The following OTUB2 variants were observed in gnomAD, a reference collection of about 807,000 sequenced individuals.
The protein encoded by OTUB2 is OTU deubiquitinase, ubiquitin aldehyde binding 2, also known as ubiquitin thioesterase OTUB2.
Under a neutral mutation model 25.1 loss-of-function variants are expected in OTUB2, and 21 were observed. The ratio of observed to expected loss-of-function variants is 0.84; its 90% confidence interval spans 0.59 to 1.21. The LOEUF is 1.21. Ranked by LOEUF, OTUB2 falls within the 50% of genes most tolerant of loss-of-function variation. The pLI is 0.00. For synonymous variants in OTUB2, 122 were observed against 122.8 expected (o/e 0.99, Z 0.04); for missense variants, 283 against 298.0 (o/e 0.95, Z 0.37).
chr14:94,044,607 G>A lies in OTUB2; in HGVS notation c.325G>A (p.Val109Ile), dbSNP rs770413129. The change falls in exon 5 of 6, where the codon GTA (valine) becomes ATA (isoleucine). Residue 109 changes from valine (V) to isoleucine (I), a missense_variant. Val to Ile is a conservative substitution (Grantham distance 29). Transcript: ENST00000203664. ...GCAGTTTTACAGTGTGGTGGAACTGGTAGAGAAGGATGGCTCAGTGTCCAG... is the reference window on the plus strand; with the variant it reads ...GCAGTTTTACAGTGTGGTGGAACTGATAGAGAAGGATGGCTCAGTGTCCAG... The part of the protein sequence containing the change: ...FNAFYSVVEL[V>I]EKDGSVSSLL... The A allele has an allele frequency of 9.9e-6, 16 of 1,613,830 alleles. No individual in the cohort carries two copies. The East Asian group carries it at 2.9e-4, about 29-fold the overall frequency.
At chr14:94,035,180 A>C (rs1885027913) in intron 1 of OTUB2, among the ~76,000 whole-genome samples, 1 of 152,096 alleles carries the variant, frequency 6.6e-6, no homozygotes, top group South Asian at 2.1e-4. Flanking sequence ...AGCTTCTGGA[A>C]GCAAAATCCA....
intron 3 of OTUB2, among the ~76,000 whole-genome samples, chr14:94,039,581 T>C (rs1319266036): frequency 1.3e-5 from 2 of 150,674 alleles, no homozygotes; most frequent in East Asian, 1.9e-4. Flanking sequence ...CTGAAGTTTG[T>C]ACAAGGCGCC....
In OTUB2 at chr14:94,026,348, T is replaced by C. The variant is rs1039322952; in HGVS notation, c.-190T>C. ...CCTGAGACGTCAATCGCAGGGCGTG[T>C]GTCTTGCTGGGACACAGTGGAGGTC... On this transcript the variant is annotated 5_prime_UTR_variant, in exon 1 of 6. Coordinates refer to ENST00000203664, the MANE Select transcript of OTUB2 (RefSeq NM_023112.4). 8.2e-7 allele frequency: 1 copy of C among 1,225,984 alleles called. No individual in the cohort carries two copies. Among genetic ancestry groups the C allele is most frequent in the Non-Finnish European group, 1.0e-6 (1 of 983,978 alleles). The allele number at this position is 1,225,984 out of a possible 1,614,324, so 75.9% of individuals were successfully genotyped here.
chr14:94,036,859 T>C (rs1885064478), intron 1 of OTUB2, among the ~76,000 whole-genome samples: 1 of 152,190 alleles, frequency 6.6e-6, no homozygotes, highest in Non-Finnish European at 1.5e-5. Flanking sequence ...GGTGACCTTA[T>C]CACCCCCTAT....
intron 1 of OTUB2, among the ~76,000 whole-genome samples, chr14:94,032,523 T>C (rs1477102412): frequency 6.6e-6 from 1 of 151,348 alleles, no homozygotes; most frequent in East Asian, 1.9e-4. Flanking sequence ...GTTTAATGAG[T>C]AGAGATTCAT....
chr14:94,044,931 C>T, intron 5 of OTUB2, 151 bp downstream of exon 5: 1 of 771,342 alleles, frequency 1.3e-6, no homozygotes, highest in East Asian at 2.8e-5. Context: ...GCAGACAGGT[C>T]CCACCTGAGC....
In OTUB2 at chr14:94,043,583, G is replaced by A. The variant is rs116519347; in HGVS notation, c.219-388G>A. Among the ~76,000 whole-genome samples the A allele has an allele frequency of 6.8e-3, 1,032 of 152,364 alleles. 9 individuals are homozygous for A. Among genetic ancestry groups the A allele is most frequent in the African/African-American group, 0.023 (950 of 41,588 alleles). On this transcript the variant is annotated intron_variant, in intron 3 of 5. Coordinates refer to ENST00000203664, the MANE Select transcript of OTUB2 (RefSeq NM_023112.4). ...TGGTGCTGGCAGATGCTTAACAGCC[G>A]GCTGTGGGCGTGCGGGAGGCCTGAT... is the stretch of plus-strand genomic sequence containing the variant.
At chr14:94,031,946 T>C (rs776818236) in intron 1 of OTUB2, among the ~76,000 whole-genome samples, 13 of 152,168 alleles carry the variant, frequency 8.5e-5, no homozygotes, top group Non-Finnish European at 1.8e-4. Context: ...TCAGCCATGG[T>C]TTTAAAAGCA....
intron 4 of OTUB2, among the ~76,000 whole-genome samples, chr14:94,044,317 G>A (rs1445383096): frequency 6.6e-6 from 1 of 152,234 alleles, no homozygotes; most frequent in Non-Finnish European, 1.5e-5. Flanking sequence ...GAGTGTGCAC[G>A]TGAGAATCCA....
chr14:94,036,892 C>T (rs1885065028), intron 1 of OTUB2, among the ~76,000 whole-genome samples: 4 of 152,174 alleles, frequency 2.6e-5, no homozygotes. Flanking sequence ...TCCCTGTAGA[C>T]TGTGAGCCTT....
At chr14:94,042,190 T>G (rs1246341230) in intron 3 of OTUB2, among the ~76,000 whole-genome samples, 2 of 152,242 alleles carry the variant, frequency 1.3e-5, no homozygotes, top group Non-Finnish European at 2.9e-5. Flanking sequence ...GGGCAGCCAC[T>G]GTTACTACCA....
At position 94,037,474 on chromosome 14, in the gene OTUB2, A is replaced by C; in HGVS notation, c.98A>C (p.Glu33Ala). The C allele has an allele frequency of 3.2e-6, 5 of 1,585,136 alleles. No homozygotes were observed. The highest frequency in any genetic ancestry group is 3.5e-6 in the Non-Finnish European group (4 of 1,154,464). Reference sequence around the variant, plus strand: ...AACAGGATTTACCGGAGGAAAATCGAGGTGAGGCAGAGGGCAGGGAGAAGA... The same window carrying C: ...AACAGGATTTACCGGAGGAAAATCGCGGTGAGGCAGAGGGCAGGGAGAAGA... ...PENRIYRRKI[E>A]ELSKRFTAIR... is the part of the protein sequence containing the mutation. Residue 33 changes from glutamate (E) to alanine (A), a missense_variant and splice_region_variant, in exon 2 of 6, where the codon GAG becomes GCG. Physicochemically the swap from Glu to Ala is moderately radical, Grantham distance 107. Transcript: ENST00000203664.
chr14:94,048,303 A>G lies in OTUB2; in HGVS notation c.*2381A>G, dbSNP rs1205588623. The G allele has an allele frequency of 6.6e-6, 1 of 152,230 alleles. No individual in the cohort carries two copies. The highest frequency in any genetic ancestry group is 1.5e-5 in the Non-Finnish European group (1 of 68,046). The allele number at this position is 152,230 out of a possible 1,614,324, so 9.4% of individuals were successfully genotyped here. A position where few individuals can be genotyped will look rare whatever the true frequency, so the allele number is the denominator to read the frequency against. On this transcript the variant is annotated 3_prime_UTR_variant, in exon 6 of 6. Transcript: ENST00000203664. ...TTTGAGAGCTTGTTTTTACAACTGC[A>G]TGTTTATTATGATACTTTCTCTCCA...
intron 3 of OTUB2, among the ~76,000 whole-genome samples, chr14:94,042,524 A>C (rs1243451321): frequency 6.6e-6 from 1 of 152,164 alleles, no homozygotes; most frequent in Non-Finnish European, 1.5e-5. Context: ...CTGGGAGCAG[A>C]GCAGTGCACT....
rs1487845176 is a variant in OTUB2 at position 94,048,585 on chromosome 14, G to A, written c.*2663G>A. 2 of 152,200 alleles carry A rather than the reference G, an allele frequency of 1.3e-5. No individual in the cohort carries two copies. The highest frequency in any genetic ancestry group is 2.9e-5 in the Non-Finnish European group (2 of 68,044). The allele number at this position is 152,200 out of a possible 1,614,324, so 9.4% of individuals were successfully genotyped here. ...TGGTTAAAACAGAATGAGATTCCTT[G>A]TGTGAAAATAGCTATTATACCTGAC... On this transcript the variant is annotated 3_prime_UTR_variant, in exon 6 of 6. Coordinates refer to ENST00000203664, the MANE Select transcript of OTUB2 (RefSeq NM_023112.4).
At chr14:94,038,557 C>T (rs1372334187) in intron 2 of OTUB2, among the ~76,000 whole-genome samples, 3 of 151,130 alleles carry the variant, frequency 2.0e-5, no homozygotes, top group African/African-American at 7.3e-5. Context: ...CCACCCCTCC[C>T]GCCCCTGCTC....
intron 3 of OTUB2, among the ~76,000 whole-genome samples, chr14:94,040,856 A>G (rs562448913): frequency 6.6e-6 from 1 of 152,272 alleles, no homozygotes; most frequent in South Asian, 2.1e-4. Flanking sequence ...GAGGAGTGCA[A>G]GGTCTGGGGT....
chr14:94,030,852 G>A (rs963105481), intron 1 of OTUB2, among the ~76,000 whole-genome samples: 7 of 152,012 alleles, frequency 4.6e-5, no homozygotes, highest in African/African-American at 1.5e-4. Context: ...CGGGAAACCC[G>A]GGAGCCTCTA....
intron 1 of OTUB2, among the ~76,000 whole-genome samples, chr14:94,030,758 C>A (rs1454715709): frequency 6.8e-6 from 1 of 147,202 alleles, no homozygotes; most frequent in Non-Finnish European, 1.5e-5. Context: ...ACTGAGTTAT[C>A]CAGGTAGGCG....
Sources: allele counts gnomAD v4.1 joint callset (sites outside exome capture counted in the v4.1 genomes callset), GRCh38; gene constraint gnomAD v4.1.1; transcripts MANE v1.5; gene names NCBI Gene and HGNC (gene_info 2026-07-23, HGNC 2026-07-21).